Variants in MPZL3 observed in about 807,000 individuals in gnomAD.
MPZL3 encodes myelin protein zero-like protein 3.
MPZL3 carries 23 observed loss-of-function variants against 24.8 expected under a neutral mutation model. That is an observed-to-expected ratio of 0.93 (90% confidence interval 0.67 to 1.31). The LOEUF is 1.31. MPZL3 is among the 40% of genes most tolerant of loss of function. MPZL3 has a pLI of 0.00. For synonymous variants in MPZL3, 99 were observed against 106.5 expected (o/e 0.93, Z 0.44); for missense variants, 277 against 294.9 (o/e 0.94, Z 0.44).
At chr11:118,252,174 C>T (rs1290218680) in intron 1 of MPZL3, 48 bp downstream of exon 1, 1 of 1,601,772 alleles carries the variant, frequency 6.2e-7, no homozygotes, top group Non-Finnish European at 8.5e-7. Flanking sequence ...CGACCATCTT[C>T]CCTAACCCCC....
rs1250620674 is a variant in MPZL3 at position 118,235,450 on chromosome 11, C to A, written c.591G>T (p.Lys197Asn). The change falls in exon 4 of 6, where the codon AAG (lysine) becomes AAT (asparagine). Residue 197 changes from lysine to asparagine, a missense_variant. Coordinates refer to ENST00000278949, the MANE Select transcript of MPZL3 (RefSeq NM_198275.3). ...CATCGGAAACCTCAATAGATGACTTCTTATAGCCAGACCTGCTCCTCTTCT... is the reference window on the plus strand; with the variant it reads ...CATCGGAAACCTCAATAGATGACTTATTATAGCCAGACCTGCTCCTCTTCT... ...GLKKRSRSGY[K>N]KSSIEVSDDT... 8 of 1,613,832 alleles carry A rather than the reference C, an allele frequency of 5.0e-6. No homozygotes were observed. Among genetic ancestry groups the A allele is most frequent in the Non-Finnish European group, 6.8e-6 (8 of 1,179,912 alleles).
intron 1 of MPZL3, among the ~76,000 whole-genome samples, chr11:118,244,077 G>C (rs2134712004): frequency 6.6e-6 from 1 of 152,188 alleles, no homozygotes; most frequent in Admixed American, 6.5e-5. Flanking sequence ...AAATCCGAGG[G>C]ATAAAAACCC....
At position 118,238,000 on chromosome 11, in the gene MPZL3, G is replaced by A. The variant is rs186904797; in HGVS notation, c.241-740C>T. 7.2e-5 allele frequency among the ~76,000 whole-genome samples: 11 copies of A among 152,166 alleles called. No homozygotes were observed. The East Asian group carries it at 2.1e-3, about 29-fold the overall frequency. ...AAAAATACAAAAATTAGCCAGGTGT[G>A]GTGGCATACACCTATAATCCCAGCT... On this transcript the variant is annotated intron_variant, in intron 2 of 5. Transcript: ENST00000278949.
chr11:118,240,263 T>G lies in MPZL3; in HGVS notation c.188A>C (p.Lys63Thr), dbSNP rs755614581. The G allele has an allele frequency of 4.9e-5, 78 of 1,604,144 alleles. No individual in the cohort carries two copies. The highest frequency in any genetic ancestry group is 6.6e-5 in the Non-Finnish European group (78 of 1,176,692). Residue 63 changes from lysine (K) to threonine (T), a missense_variant, in exon 2 of 6, where the codon AAA becomes ACA. Coordinates refer to ENST00000278949, the MANE Select transcript of MPZL3 (RefSeq NM_198275.3). ...TFKSTSDVTD[K>T]LTIDWTYRPP... The stretch of plus-strand genomic sequence containing the variant: ...GCGATATGTCCAGTCTATAGTAAGT[T>G]TGTCAGTGACATCTGAAGTTGACTT...
Position 118,235,487 on chromosome 11 carries a change from G to A in MPZL3, c.554C>T (p.Ala185Val), listed in dbSNP as rs753022984. The A allele has an allele frequency of 2.5e-6, 4 of 1,613,852 alleles. No individual in the cohort carries two copies. The highest frequency in any genetic ancestry group is 1.7e-6 in the Non-Finnish European group (2 of 1,179,954). Residue 185 changes from alanine (A) to valine (V), a missense_variant, in exon 4 of 6, where the codon GCT (alanine) becomes GTT (valine). By Grantham distance (64) the Ala-to-Val change is moderately conservative. Coordinates refer to ENST00000278949, the MANE Select transcript of MPZL3 (RefSeq NM_198275.3). ...ALLLVRMGRK[A>V]AGLKKRSRSG... ...CCTGCTCCTCTTCTTCAGCCCAGCA[G>A]CCTTCCTCCCCATTCTCACCAGCAG...
At chr11:118,245,259 G>A (rs992162883) in intron 1 of MPZL3, among the ~76,000 whole-genome samples, 6 of 151,418 alleles carry the variant, frequency 4.0e-5, no homozygotes, top group East Asian at 1.9e-4. Flanking sequence ...TTAGCCAGGC[G>A]TGGTGGTGGG....
intron 1 of MPZL3, 143 bp from the exon 2 acceptor site, chr11:118,240,520 G>A: frequency 1.3e-6 from 1 of 741,568 alleles, no homozygotes; most frequent in Non-Finnish European, 2.1e-6. Flanking sequence ...AGCCCACAAG[G>A]GACAAGGAGT....
At chr11:118,233,045 G>T (rs938836457) in intron 5 of MPZL3, among the ~76,000 whole-genome samples, 2 of 152,188 alleles carry the variant, frequency 1.3e-5, no homozygotes, top group African/African-American at 4.8e-5. Context: ...ATTGATAAAA[G>T]ACATCAAGTT....
At chr11:118,235,401 C>A in intron 4 of MPZL3, 23 bp downstream of exon 4, 1 of 1,611,638 alleles carries the variant, frequency 6.2e-7, no homozygotes, top group Non-Finnish European at 8.5e-7. Flanking sequence ...AGGCTTGCTG[C>A]CCAGGGCTCC....
At chr11:118,238,261 G>T (rs1396006042) in intron 2 of MPZL3, among the ~76,000 whole-genome samples, 3 of 152,154 alleles carry the variant, frequency 2.0e-5, no homozygotes, top group African/African-American at 7.2e-5. Flanking sequence ...AAAATCACAA[G>T]GAGGTTGTAA....
At chr11:118,243,890 T>G (rs1026147205) in intron 1 of MPZL3, among the ~76,000 whole-genome samples, 2 of 152,220 alleles carry the variant, frequency 1.3e-5, no homozygotes, top group Non-Finnish European at 2.9e-5. Context: ...TTTAACGCTG[T>G]AATATTACTC....
At position 118,240,585 on chromosome 11, in the gene MPZL3, C is replaced by T. The variant is rs1046062930; in HGVS notation, c.74-208G>A. 5.9e-5 allele frequency among the ~76,000 whole-genome samples: 9 copies of T among 152,266 alleles called. No individual in the cohort carries two copies. In the East Asian group the frequency reaches 1.7e-3, roughly 29 times the overall value. ...TTTCAATCATTTTCTAATCTTAAAT[C>T]ACAACTGAATGCTTGTGTAAAAATT... On this transcript the variant is annotated intron_variant, in intron 1 of 5. Coordinates refer to ENST00000278949, the MANE Select transcript of MPZL3 (RefSeq NM_198275.3).
chr11:118,232,074 C>T (rs956418496), intron 5 of MPZL3, among the ~76,000 whole-genome samples: 2 of 152,180 alleles, frequency 1.3e-5, no homozygotes, highest in African/African-American at 4.8e-5. Context: ...CTAGCTGCTG[C>T]GTTACTTCTC....
chr11:118,232,680 C>T (rs1949370024), intron 5 of MPZL3, among the ~76,000 whole-genome samples: 1 of 152,172 alleles, frequency 6.6e-6, no homozygotes, highest in East Asian at 1.9e-4. Context: ...ATTAGGTCCT[C>T]TGCACTGGCA....
intron 1 of MPZL3, among the ~76,000 whole-genome samples, chr11:118,241,430 G>T (rs1949497857): frequency 1.3e-5 from 2 of 152,180 alleles, no homozygotes. Flanking sequence ...GAGGGTCTGG[G>T]TTCAAATCCC....
rs1361321505 is a variant in MPZL3 at position 118,228,142 on chromosome 11, C to T, written c.*1752G>A. ...ACAATGTCCTTCAACTAACCAGATT[C>T]GCTCATCTGTGGACTAGGTTAACAG... On this transcript the variant is annotated 3_prime_UTR_variant, in exon 6 of 6. Coordinates refer to ENST00000278949, the MANE Select transcript of MPZL3 (RefSeq NM_198275.3). The T allele has an allele frequency of 2.6e-5, 4 of 152,070 alleles. No homozygotes were observed. Among genetic ancestry groups the T allele is most frequent in the African/African-American group, 9.7e-5 (4 of 41,386 alleles). 9.4% of individuals were successfully genotyped at this position (152,070 alleles called of 1,614,324 possible). A position where few individuals can be genotyped will look rare whatever the true frequency, so the allele number is the denominator to read the frequency against.
Position 118,228,043 on chromosome 11 carries a change from G to C in MPZL3, c.*1851C>G, listed in dbSNP as rs887598308. The C allele has an allele frequency of 3.3e-5, 5 of 152,112 alleles. No homozygotes were observed. Among genetic ancestry groups the C allele is most frequent in the Admixed American group, 3.3e-4 (5 of 15,276 alleles). The allele number at this position is 152,112 out of a possible 1,614,324, so 9.4% of individuals were successfully genotyped here. A position where few individuals can be genotyped will look rare whatever the true frequency, so the allele number is the denominator to read the frequency against. On this transcript the variant is annotated 3_prime_UTR_variant, in exon 6 of 6. Coordinates refer to ENST00000278949, the MANE Select transcript of MPZL3 (RefSeq NM_198275.3). Reference sequence around the variant, plus strand: ...ACAAGCAGTCCCAAAGTACCGTGAGGTTTAACCACTGGAAATGTAAACTGC... The same window carrying C: ...ACAAGCAGTCCCAAAGTACCGTGAGCTTTAACCACTGGAAATGTAAACTGC...
At chr11:118,240,497 A>G (rs1949480722) in intron 1 of MPZL3, 120 bp from the exon 2 acceptor site, 2 of 984,076 alleles carry the variant, frequency 2.0e-6, no homozygotes, top group Non-Finnish European at 2.9e-6. Flanking sequence ...ATTAACAACT[A>G]TCTTCTCAGG....
intron 2 of MPZL3, among the ~76,000 whole-genome samples, chr11:118,237,996 G>A (rs951029765): frequency 2.0e-5 from 3 of 152,068 alleles, no homozygotes; most frequent in Non-Finnish European, 4.4e-5. Flanking sequence ...AATTAGCCAG[G>A]TGTGGTGGCA....
Sources: gnomAD v4.1 joint callset for allele counts (sites outside exome capture counted in the v4.1 genomes callset) on GRCh38, gnomAD v4.1.1 for gene constraint, MANE v1.5 for transcripts, NCBI Gene and HGNC (gene_info 2026-07-23, HGNC 2026-07-21) for gene names.